Variants in CPQ observed in about 807,000 individuals in gnomAD.
The protein encoded by CPQ is carboxypeptidase Q, also known as Ser-Met dipeptidase.
Under a neutral mutation model 45.7 loss-of-function variants are expected in CPQ, and 37 were observed. That is an observed-to-expected ratio of 0.81 (90% CI 0.62 to 1.07). The LOEUF is 1.07. Ranked by LOEUF, CPQ falls within the 50% of genes least tolerant of loss-of-function variation. CPQ has a pLI of 0.00. For synonymous variants in CPQ, 186 were observed against 205.8 expected, an observed-to-expected ratio of 0.90 and a Z score of 0.82; for missense variants, 537 against 572.9, an observed-to-expected ratio of 0.94 and a Z score of 0.64.
At chr8:97,074,303 T>C (rs1315868970) in intron 7 of CPQ, among the ~76,000 whole-genome samples, 1 of 152,238 alleles carries the variant, frequency 6.6e-6, no homozygotes, top group Non-Finnish European at 1.5e-5. Context: ...AAATGTTTAC[T>C]GATTAGATGT....
chr8:96,754,516 A>G (rs1289898222), intron 1 of CPQ, among the ~76,000 whole-genome samples: 1 of 152,092 alleles, frequency 6.6e-6, no homozygotes, highest in African/African-American at 2.4e-5. Context: ...GGATTATATA[A>G]TGCGGGTCTC....
intron 7 of CPQ, among the ~76,000 whole-genome samples, chr8:97,095,320 G>A (rs913819379): frequency 1.5e-4 from 23 of 152,086 alleles, no homozygotes; most frequent in Admixed American, 1.4e-3. Flanking sequence ...CGTCCAAGTC[G>A]CTCAAACCTG....
chr8:96,772,896 G>A (rs1163039225), intron 1 of CPQ, among the ~76,000 whole-genome samples: 1 of 152,124 alleles, frequency 6.6e-6, no homozygotes, highest in Non-Finnish European at 1.5e-5. Context: ...GTGCTAACAT[G>A]GAGTGTAAAG....
At chr8:96,950,611 G>T (rs1157880917) in intron 4 of CPQ, among the ~76,000 whole-genome samples, 1 of 152,090 alleles carries the variant, frequency 6.6e-6, no homozygotes, top group Non-Finnish European at 1.5e-5. Flanking sequence ...CCAGGGGAGT[G>T]TGTCTGTTGC....
chr8:96,965,847 T>TGAAAC, intron 4 of CPQ, 88 bp from the exon 5 acceptor site: 3 of 766,816 alleles, frequency 3.9e-6, no homozygotes, highest in Non-Finnish European at 6.0e-6. Flanking sequence ...AAAAGTTTCA[T>TGAAAC]TTTTATATTT....
At chr8:96,784,246 T>G (rs1201454847) in intron 1 of CPQ, among the ~76,000 whole-genome samples, 1 of 152,186 alleles carries the variant, frequency 6.6e-6, no homozygotes, top group African/African-American at 2.4e-5. Context: ...CCAGTCTTTT[T>G]ATTAATTCTC....
chr8:96,932,642 T>G (rs988458864), intron 4 of CPQ, among the ~76,000 whole-genome samples: 1 of 152,188 alleles, frequency 6.6e-6, no homozygotes, highest in Admixed American at 6.5e-5. Context: ...TTGGACCCTT[T>G]CCCCTTGGTC....
intron 7 of CPQ, among the ~76,000 whole-genome samples, chr8:97,142,766 T>C (rs552442704): frequency 6.6e-6 from 1 of 152,312 alleles, no homozygotes; most frequent in South Asian, 2.1e-4. Flanking sequence ...AATGCAGCAT[T>C]AGGGATATTT....
At chr8:96,675,957 C>G (rs1275549907) in intron 1 of CPQ, among the ~76,000 whole-genome samples, 1 of 151,772 alleles carries the variant, frequency 6.6e-6, no homozygotes, top group Non-Finnish European at 1.5e-5. Context: ...TTCCAATTGG[C>G]TTTTTATCAT....
intron 4 of CPQ, among the ~76,000 whole-genome samples, chr8:96,923,831 A>AAG (rs1339372289): frequency 6.6e-6 from 1 of 152,168 alleles, no homozygotes; most frequent in Non-Finnish European, 1.5e-5. Flanking sequence ...CAAAATAATA[A>AAG]AGGTGCATTA....
intron 3 of CPQ, among the ~76,000 whole-genome samples, chr8:96,852,804 C>G (rs566648600): frequency 1.1e-3 from 172 of 152,292 alleles, no homozygotes; most frequent in Non-Finnish European, 1.9e-3. Flanking sequence ...GGCGGCCTCT[C>G]TGTCTCTCTC....
At chr8:96,796,090 A>T (rs745590618) in intron 2 of CPQ, among the ~76,000 whole-genome samples, 15 of 152,218 alleles carry the variant, frequency 9.9e-5, no homozygotes, top group Non-Finnish European at 1.6e-4. Context: ...ATATTTTGTT[A>T]AATTGTTTTC....
intron 2 of CPQ, among the ~76,000 whole-genome samples, chr8:96,810,899 GTTCATTGCA>G (rs1811154059): frequency 6.6e-6 from 1 of 152,140 alleles, no homozygotes; most frequent in African/African-American, 2.4e-5. Flanking sequence ...ACTTACTAGA[GTTCATTGCA>G]TCTAGAAATG....
At chr8:97,049,947 C>T (rs76181555) in intron 6 of CPQ, among the ~76,000 whole-genome samples, 113 of 152,240 alleles carry the variant, frequency 7.4e-4, no homozygotes, top group Middle Eastern at 3.4e-3. Context: ...ATATTGAACA[C>T]GTTTTTCCTC....
At chr8:97,042,793 G>A (rs1488359769) in intron 6 of CPQ, among the ~76,000 whole-genome samples, 1 of 151,706 alleles carries the variant, frequency 6.6e-6, no homozygotes, top group Non-Finnish European at 1.5e-5. Context: ...TAGTTGAGCG[G>A]TTTTGAGTGA....
intron 3 of CPQ, among the ~76,000 whole-genome samples, chr8:96,869,007 ATAAC>A (rs1350065485): frequency 2.0e-5 from 3 of 152,034 alleles, no homozygotes; most frequent in Non-Finnish European, 4.4e-5. Context: ...TATCATATAA[ATAAC>A]TTCTAAGTCT....
At chr8:96,892,209 A>C (rs890083920) in intron 4 of CPQ, among the ~76,000 whole-genome samples, 2 of 152,242 alleles carry the variant, frequency 1.3e-5, no homozygotes, top group Admixed American at 1.3e-4. Context: ...CAGCTTTAGC[A>C]TTGATGCTGT....
At chr8:96,944,152 C>G (rs1413409160) in intron 4 of CPQ, among the ~76,000 whole-genome samples, 1 of 152,058 alleles carries the variant, frequency 6.6e-6, no homozygotes, top group Non-Finnish European at 1.5e-5. Flanking sequence ...ATCAAAAACA[C>G]AGTAAGACGA....
chr8:97,027,025 ATTTT>A (rs933198270), intron 5 of CPQ, among the ~76,000 whole-genome samples: 2 of 151,898 alleles, frequency 1.3e-5, no homozygotes, highest in African/African-American at 4.8e-5. Flanking sequence ...AAAAAAGTGT[ATTTT>A]TTTCTTTTCT....
Sources: allele counts gnomAD v4.1 joint callset (sites outside exome capture counted in the v4.1 genomes callset), GRCh38; gene constraint gnomAD v4.1.1; transcripts MANE v1.5; gene names NCBI Gene and HGNC (gene_info 2026-07-23, HGNC 2026-07-21).